The following C3 variants were observed in gnomAD, a reference collection of about 807,000 sequenced individuals.
The protein encoded by C3 is complement C3, also known as C3 and PZP-like alpha-2-macroglobulin domain-containing protein 1.
In C3, 97 loss-of-function variants were observed where a neutral mutation model predicts 207.9. The observed-to-expected ratio is 0.47, with a 90% confidence interval of 0.40 to 0.55. C3 has a LOEUF of 0.55. Among genes scored for constraint, C3 ranks in the 20% least tolerant of loss-of-function variants. The pLI, the probability that C3 is intolerant of heterozygous loss-of-function variation, is 0.00. For synonymous variants in C3, 848 were observed against 857.6 expected (o/e 0.99, Z 0.20); for missense variants, 1,684 against 2,171.7 (o/e 0.78, Z 4.46).
intron 2 of C3, among the ~76,000 whole-genome samples, 187 bp from the exon 3 acceptor site, chr19:6,718,599 CA>C (rs1968094396): frequency 1.4e-5 from 2 of 144,672 alleles, no homozygotes; most frequent in African/African-American, 5.2e-5. Flanking sequence ...GGAGGGAACT[CA>C]AAAAGAAGAG....
At chr19:6,715,597 T>C (rs1023297867) in intron 4 of C3, among the ~76,000 whole-genome samples, 2 of 151,714 alleles carry the variant, frequency 1.3e-5, no homozygotes, top group African/African-American at 2.4e-5. Context: ...AATTAAAACA[T>C]ATAAAAATCT....
At chr19:6,686,925 C>T in intron 27 of C3, 23 bp from the exon 28 acceptor site, 1 of 1,613,816 alleles carries the variant, frequency 6.2e-7, no homozygotes, top group Non-Finnish European at 8.5e-7. Context: ...GGATCAGATT[C>T]TCCGGTCATG....
rs1253193143 is a variant in C3 at position 6,686,157 on chromosome 19, C to G, written c.3777G>C (p.Gln1259His). The G allele has an allele frequency of 1.9e-6, 3 of 1,614,180 alleles. No homozygotes were observed. The highest frequency in any genetic ancestry group is 2.5e-6 in the Non-Finnish European group (3 of 1,180,042). Residue 1259 changes from glutamine (Q) to histidine (H), a missense_variant, in exon 29 of 41, where the codon CAG (glutamine) becomes CAC (histidine). Coordinates refer to ENST00000245907, the MANE Select transcript of C3 (RefSeq NM_000064.4). ...VPPVVRWLNEQRYYGGGYGST... is the reference protein window; with the variant it reads ...VPPVVRWLNEHRYYGGGYGST... ...AGCCATAGCCACCACCGTAGTATCTCTGTTCATTGAGCCAACGCACGACGG... is the reference window on the plus strand; with the variant it reads ...AGCCATAGCCACCACCGTAGTATCTGTGTTCATTGAGCCAACGCACGACGG...
chr19:6,685,181 G>A (rs762242760), intron 29 of C3, 35 bp from the exon 30 acceptor site: 1 of 1,606,528 alleles, frequency 6.2e-7, no homozygotes, highest in East Asian at 2.2e-5. Context: ...GGTGATCTGG[G>A]AGCCTGGGAA....
In C3 at chr19:6,718,316, G is replaced by A; in HGVS notation, c.364C>T (p.Leu122=). ...FGTQVVEKVV[L]VSLQSGYLFI... ...AGGTACCCGCTCTGCAGGCTGACCAGCACCACCTTCTCCACCACTTGGGTC... is the reference window on the plus strand; with the variant it reads ...AGGTACCCGCTCTGCAGGCTGACCAACACCACCTTCTCCACCACTTGGGTC... The change falls in exon 3 of 41, where the codon CTG becomes TTG. Residue 122 remains leucine, a synonymous_variant. Coordinates refer to ENST00000245907, the MANE Select transcript of C3 (RefSeq NM_000064.4). 1 of 1,614,230 alleles carries A rather than the reference G, an allele frequency of 6.2e-7. No individual in the cohort carries two copies. Among genetic ancestry groups the A allele is most frequent in the Non-Finnish European group, 8.5e-7 (1 of 1,180,042 alleles).
rs2230200 is a variant in C3 at position 6,713,500 on chromosome 19, G to T, written c.783C>A (p.Tyr261Ter). Residue 261 changes from tyrosine (Y) to a stop codon, truncating the protein, a stop_gained, in exon 8 of 41, where the codon TAC (tyrosine) becomes TAA (stop). Coordinates refer to ENST00000245907, the MANE Select transcript of C3 (RefSeq NM_000064.4). LOFTEE classifies it high-confidence loss of function. Reference sequence around the variant, plus strand: ...AGGCAGTTCCCTCCACTTTCTTCCCGTAGAGGAACCTACGGGACAGACAAG... The same window carrying T: ...AGGCAGTTCCCTCCACTTTCTTCCCTTAGAGGAACCTACGGGACAGACAAG... ...LEVTITARFL[Y>*]GKKVEGTAFV... The T allele has an allele frequency of 1.2e-6, 2 of 1,613,018 alleles. No homozygotes were observed. Among genetic ancestry groups the T allele is most frequent in the Non-Finnish European group, 1.7e-6 (2 of 1,179,266 alleles).
rs1388840179 is a variant in C3 at position 6,700,667 on chromosome 19, A to ATATATGTAATATATAATATATGATATAT, written c.2440+1432_2440+1459dup. 5.5e-4 allele frequency among the ~76,000 whole-genome samples: 32 copies of ATATATGTAATATATAATATATGATATAT among 58,444 alleles called. 13 individuals are homozygous for ATATATGTAATATATAATATATGATATAT. Among genetic ancestry groups the ATATATGTAATATATAATATATGATATAT allele is most frequent in the African/African-American group, 3.2e-3 (32 of 10,134 alleles). 38.3% of individuals were successfully genotyped at this position (58,444 alleles called of 152,430 possible). On this transcript the variant is annotated intron_variant, in intron 19 of 40. Coordinates refer to ENST00000245907, the MANE Select transcript of C3 (RefSeq NM_000064.4). ...TGTAATATATAATATATGATATATT[A>ATATATGTAATATATAATATATGATATAT]TATATGTAATATATAATATATGATA... is the stretch of plus-strand genomic sequence containing the variant.
chr19:6,700,219 T>TATATTATATATGTAATATACAATATATA (rs1967615415), intron 19 of C3, among the ~76,000 whole-genome samples: 3 of 132,406 alleles, frequency 2.3e-5, no homozygotes, highest in African/African-American at 8.3e-5. Context: ...ATATATTACA[T>TATATTATATATGTAATATACAATATATA]ATATATTATA....
At chr19:6,709,103 C>T (rs1967850915) in intron 14 of C3, among the ~76,000 whole-genome samples, 1 of 152,220 alleles carries the variant, frequency 6.6e-6, no homozygotes, top group Non-Finnish European at 1.5e-5. Context: ...ACCTTCCCCA[C>T]TGAATGACCC....
intron 19 of C3, 44 bp downstream of exon 19, chr19:6,702,083 C>T (rs1422703547): frequency 2.9e-6 from 3 of 1,033,164 alleles, no homozygotes; most frequent in Non-Finnish European, 4.6e-6. Flanking sequence ...CTCAGACACC[C>T]TGGGGTCCCT....
At chr19:6,701,794 G>A (rs1967679969) in intron 19 of C3, among the ~76,000 whole-genome samples, 1 of 152,162 alleles carries the variant, frequency 6.6e-6, no homozygotes, top group South Asian at 2.1e-4. Context: ...CAAAGTGCTG[G>A]GATTATAGGT....
chr19:6,694,384 G>T (rs1455826884), intron 24 of C3, 47 bp downstream of exon 24: 2 of 1,554,610 alleles, frequency 1.3e-6, no homozygotes, highest in Non-Finnish European at 8.9e-7. Context: ...GGAGGGATGC[G>T]CTCGGAAAGG....
chr19:6,707,938 G>C lies in C3; in HGVS notation c.1846-9C>G. 6.2e-7 allele frequency: 1 copy of C among 1,613,594 alleles called. No individual in the cohort carries two copies. The highest frequency in any genetic ancestry group is 1.1e-5 in the South Asian group (1 of 91,086). On this transcript the variant is annotated splice_polypyrimidine_tract_variant and intron_variant, in intron 14 of 40. Transcript: ENST00000245907. Reference sequence around the variant, plus strand: ...TCCACCACGTCCCAGATCTGCGGGGGGCATAGGGGTGGCGGGACGCAGGGA... The same window carrying C: ...TCCACCACGTCCCAGATCTGCGGGGCGCATAGGGGTGGCGGGACGCAGGGA...
chr19:6,678,537 T>C (rs1010056052), intron 38 of C3, 82 bp from the exon 39 acceptor site: 9 of 1,100,362 alleles, frequency 8.2e-6, no homozygotes, highest in African/African-American at 7.7e-5. Context: ...CACCCGGGCA[T>C]GTGGCTCTCT....
chr19:6,682,071 C>A (rs1169495550), intron 34 of C3, 41 bp from the exon 35 acceptor site: 2 of 1,602,716 alleles, frequency 1.2e-6, no homozygotes, highest in Middle Eastern at 1.7e-4. Flanking sequence ...CTCCTGGACC[C>A]CTCTCTCCCT....
chr19:6,708,224 A>C lies in C3; in HGVS notation c.1846-295T>G, dbSNP rs531679682. ...TGATCTCCGCTCACTGTAACCTCCAACTCCCAGGTTCAGGCAATTTTCCTG... is the reference window on the plus strand; with the variant it reads ...TGATCTCCGCTCACTGTAACCTCCACCTCCCAGGTTCAGGCAATTTTCCTG... On this transcript the variant is annotated intron_variant, in intron 14 of 40. Coordinates refer to ENST00000245907, the MANE Select transcript of C3 (RefSeq NM_000064.4). Among the ~76,000 whole-genome samples, 104 of 151,618 alleles carry C rather than the reference A, an allele frequency of 6.9e-4. 1 individual carries two copies. Among genetic ancestry groups the C allele is most frequent in the South Asian group, 3.3e-3 (16 of 4,796 alleles).
chr19:6,691,928 A>C (rs1011352346), intron 26 of C3, among the ~76,000 whole-genome samples: 1 of 151,496 alleles, frequency 6.6e-6, no homozygotes, highest in African/African-American at 2.4e-5. Context: ...TGGAGGTTGC[A>C]GTGAGCCAAG....
In C3 at chr19:6,707,867, G is replaced by T; in HGVS notation, c.1908C>A (p.Ala636=). 1.2e-6 allele frequency: 2 copies of T among 1,613,980 alleles called. No homozygotes were observed. The highest frequency in any genetic ancestry group is 1.7e-6 in the Non-Finnish European group (2 of 1,179,998). ...TCAGCCCTGCGTCGGAGAAGACACC[G>T]GCGTAATCCTTCCCACTGCCCGGGG... The part of the protein sequence containing the change: ...GCTPGSGKDY[A]GVFSDAGLTF... Residue 636 remains alanine (A), a synonymous_variant, in exon 15 of 41, where the codon GCC becomes GCA. Transcript: ENST00000245907.
intron 25 of C3, 31 bp downstream of exon 25, chr19:6,693,381 T>G: frequency 6.3e-7 from 1 of 1,590,304 alleles, no homozygotes; most frequent in Non-Finnish European, 8.6e-7. Flanking sequence ...GTGGGGAGTA[T>G]GCATGGCCTG....
Sources: allele counts gnomAD v4.1 joint callset (sites outside exome capture counted in the v4.1 genomes callset), GRCh38; gene constraint gnomAD v4.1.1; transcripts MANE v1.5; gene names NCBI Gene and HGNC (gene_info 2026-07-23, HGNC 2026-07-21).